The following ADGRG2 variants were observed in gnomAD, a reference collection of about 807,000 sequenced individuals.
The protein encoded by ADGRG2 is G protein-coupled receptor 64.
A neutral mutation model predicts 74.1 loss-of-function variants in ADGRG2; 26 were observed. The observed-to-expected ratio is 0.35, with a 90% confidence interval of 0.26 to 0.49. The LOEUF (loss-of-function observed/expected upper bound fraction) is 0.49, where lower values mean the gene tolerates loss of function less well. Among genes scored for constraint, ADGRG2 ranks in the 20% least tolerant of loss-of-function variants. The pLI, the probability that ADGRG2 is intolerant of heterozygous loss-of-function variation, is 0.99. For missense variants in ADGRG2, 619 were observed against 763.1 expected, an observed-to-expected ratio of 0.81 and a Z score of 2.22; for synonymous variants, 296 against 295.2, an observed-to-expected ratio of 1.00 and a Z score of -0.03.
intron 26 of ADGRG2, among the ~76,000 whole-genome samples, chrX:18,998,163 G>T (rs1438216939): frequency 1.8e-5 from 2 of 111,789 alleles, no homozygotes; most frequent in Admixed American, 9.5e-5. Flanking sequence ...AACTTCTTGG[G>T]ATTAGCCTTC....
At chrX:19,023,525 C>T (rs2146649124) in intron 12 of ADGRG2, 72 bp from the exon 13 acceptor site, 1 of 597,198 alleles carries the variant, frequency 1.7e-6, no homozygotes, top group Non-Finnish European at 2.7e-6. Flanking sequence ...GAAAAGAAGA[C>T]CTAAGGCTAA....
At chrX:19,120,150 G>A (rs1045684767) in intron 1 of ADGRG2, among the ~76,000 whole-genome samples, 3 of 111,220 alleles carry the variant, frequency 2.7e-5, no homozygotes, top group African/African-American at 9.8e-5. Context: ...AATCCGATCC[G>A]GGCTGGCATC....
rs368988733 is a variant in ADGRG2 at position 19,019,646 on chromosome X, G to C, written c.663C>G (p.Val221=). 6.3e-5 allele frequency: 73 copies of C among 1,163,634 alleles called. No homozygotes were observed. The highest frequency in any genetic ancestry group is 7.5e-5 in the Non-Finnish European group (64 of 855,907). Reference sequence around the variant, plus strand: ...CTGGGGAGGAAGGGCAGGGTATCCTGACAGAACAGCAGCAGTGTTCTAGGA... The same window carrying C: ...CTGGGGAGGAAGGGCAGGGTATCCTCACAGAACAGCAGCAGTGTTCTAGGA... ...IRPMEHCCCS[V]RIPCPSSPEE... The change falls in exon 15 of 29, where the codon GTC becomes GTG. Residue 221 remains valine (V), a synonymous_variant. Coordinates refer to ENST00000379869, the MANE Select transcript of ADGRG2 (RefSeq NM_001079858.3).
At chrX:19,021,263 T>G in intron 13 of ADGRG2, 65 bp from the exon 14 acceptor site, 1 of 615,525 alleles carries the variant, frequency 1.6e-6, no homozygotes. Context: ...ATATTTGTAA[T>G]TGCTTTTGCA....
Position 18,999,845 on chromosome X carries a change from G to A in ADGRG2, c.2330+16C>T, listed in dbSNP as rs748858116. On this transcript the variant is annotated intron_variant, in intron 25 of 28. Transcript: ENST00000379869. ...TCCAGTTCACTTAGCATTCCCTTAG[G>A]GGGCTTTGTACTCACAAGTCATCCG... The A allele has an allele frequency of 2.9e-6, 3 of 1,023,849 alleles. No homozygotes were observed. The African/African-American group carries it at 5.6e-5, about 19-fold the overall frequency. The allele number at this position is 1,023,849 out of a possible 1,213,427, so 84.4% of individuals were successfully genotyped here. A position where few individuals can be genotyped will look rare whatever the true frequency, so the allele number is the denominator to read the frequency against.
intron 1 of ADGRG2, among the ~76,000 whole-genome samples, chrX:19,083,976 C>T (rs962763040): frequency 1.8e-5 from 2 of 112,157 alleles, no homozygotes; most frequent in Non-Finnish European, 3.8e-5. Context: ...GAATAGAAAT[C>T]ATTTTATTAT....
chrX:18,991,281 T>A (rs1375975431), intron 28 of ADGRG2, among the ~76,000 whole-genome samples: 1 of 112,031 alleles, frequency 8.9e-6, no homozygotes, highest in Non-Finnish European at 1.9e-5. Flanking sequence ...TGGCAGTTTT[T>A]TTTTTGTTTG....
chrX:19,044,077 G>A (rs2061128101), intron 3 of ADGRG2, among the ~76,000 whole-genome samples: 1 of 111,764 alleles, frequency 8.9e-6, no homozygotes, highest in African/African-American at 3.3e-5. Context: ...ACGTCCAGTA[G>A]GAGTCTCACC....
At chrX:19,020,369 T>C (rs2060563918) in intron 14 of ADGRG2, among the ~76,000 whole-genome samples, 1 of 111,916 alleles carries the variant, frequency 8.9e-6, no homozygotes, top group Non-Finnish European at 1.9e-5. Flanking sequence ...AAAGTGGACA[T>C]ATCCCAGTAG....
intron 20 of ADGRG2, 47 bp downstream of exon 20, chrX:19,007,188 A>C: frequency 8.4e-7 from 1 of 1,191,723 alleles, no homozygotes. Flanking sequence ...CATAGTTTGT[A>C]CAAGGTGTTC....
chrX:19,067,156 G>C (rs957861468), intron 3 of ADGRG2, among the ~76,000 whole-genome samples: 1 of 111,611 alleles, frequency 9.0e-6, no homozygotes, highest in Non-Finnish European at 1.9e-5. Flanking sequence ...CATTTACATA[G>C]GGCATACACC....
At chrX:19,119,809 G>T (rs2062582381) in intron 1 of ADGRG2, among the ~76,000 whole-genome samples, 3 of 110,797 alleles carry the variant, frequency 2.7e-5, no homozygotes, top group African/African-American at 9.8e-5. Flanking sequence ...TTTCTGGAAG[G>T]CTGTTCATGG....
intron 15 of ADGRG2, among the ~76,000 whole-genome samples, chrX:19,018,903 C>T (rs1052816783): frequency 2.7e-5 from 3 of 111,678 alleles, no homozygotes; most frequent in Non-Finnish European, 3.8e-5. Context: ...AGAGCAGTGG[C>T]GCAACCTCGG....
In ADGRG2 at chrX:19,019,659, C is replaced by G. The variant is rs2060547302; in HGVS notation, c.650G>C (p.Cys217Ser). 1.7e-6 allele frequency: 2 copies of G among 1,150,682 alleles called. No individual in the cohort carries two copies. The highest frequency in any genetic ancestry group is 2.4e-6 in the Non-Finnish European group (2 of 842,172). 94.8% of individuals were successfully genotyped at this position (1,150,682 alleles called of 1,213,427 possible). A position where few individuals can be genotyped will look rare whatever the true frequency, so the allele number is the denominator to read the frequency against. Reference sequence around the variant, plus strand: ...GCAGGGTATCCTGACAGAACAGCAGCAGTGTTCTAGGAGAGACAAAAGGAA... The same window carrying G: ...GCAGGGTATCCTGACAGAACAGCAGGAGTGTTCTAGGAGAGACAAAAGGAA... Reference protein sequence around the residue: ...ERVKIRPMEHCCCSVRIPCPS... With the variant: ...ERVKIRPMEHSCCSVRIPCPS... Residue 217 changes from cysteine to serine, a missense_variant, in exon 15 of 29, where the codon TGC becomes TCC. By Grantham distance (112) the Cys-to-Ser change is moderately radical. Transcript: ENST00000379869.
At chrX:19,038,740 C>T (rs777524121) in intron 4 of ADGRG2, among the ~76,000 whole-genome samples, 1 of 111,994 alleles carries the variant, frequency 8.9e-6, no homozygotes, top group South Asian at 3.7e-4. Flanking sequence ...ACTGCTCTCC[C>T]CCAGGGCACC....
At chrX:19,014,968 T>C (rs1383962412) in intron 15 of ADGRG2, among the ~76,000 whole-genome samples, 2 of 111,623 alleles carry the variant, frequency 1.8e-5, no homozygotes, top group Non-Finnish European at 3.8e-5. Context: ...TATATAGATT[T>C]CTATGGCCCA....
intron 3 of ADGRG2, 35 bp downstream of exon 3, chrX:19,068,682 G>GAAAA: frequency 2.0e-6 from 1 of 507,604 alleles, no homozygotes; most frequent in Non-Finnish European, 3.0e-6. Flanking sequence ...CAGATAAACA[G>GAAAA]AAAAAAAAAA....
At position 19,069,996 on chromosome X, in the gene ADGRG2, G is replaced by C. The variant is rs148243905; in HGVS notation, c.-1-1161C>G. On this transcript the variant is annotated intron_variant, in intron 2 of 28. Transcript: ENST00000379869. Reference sequence around the variant, plus strand: ...CGGTAACACATGCCCTCTGGGGCTCGGGGGTCGCGGGCAACCTGTAGACGC... The same window carrying C: ...CGGTAACACATGCCCTCTGGGGCTCCGGGGTCGCGGGCAACCTGTAGACGC... Among the ~76,000 whole-genome samples the C allele has an allele frequency of 2.7e-5, 3 of 112,103 alleles. No individual in the cohort carries two copies. In the East Asian group the frequency reaches 8.5e-4, roughly 32 times the overall value.
intron 2 of ADGRG2, among the ~76,000 whole-genome samples, chrX:19,069,697 C>T (rs921822843): frequency 1.8e-5 from 2 of 111,090 alleles, no homozygotes; most frequent in Non-Finnish European, 3.8e-5. Flanking sequence ...CTTGACAGTG[C>T]GACTTCGGAG....
Sources: gnomAD v4.1 joint callset for allele counts (sites outside exome capture counted in the v4.1 genomes callset) on GRCh38, gnomAD v4.1.1 for gene constraint, MANE v1.5 for transcripts, NCBI Gene and HGNC (gene_info 2026-07-23, HGNC 2026-07-21) for gene names.